The following ARMC2 variants were observed in gnomAD, a reference collection of about 807,000 sequenced individuals.
The protein encoded by ARMC2 is armadillo repeat containing 2.
A neutral mutation model predicts 90.3 loss-of-function variants in ARMC2; 67 were observed. The ratio of observed to expected loss-of-function variants is 0.74; its 90% CI spans 0.61 to 0.91. The LOEUF is 0.91. Among genes scored for constraint, ARMC2 ranks in the 40% least tolerant of loss-of-function variants. The pLI is 0.00. For synonymous variants in ARMC2, 393 were observed against 393.0 expected, an observed-to-expected ratio of 1.00 and a Z score of 0.00; for missense variants, 920 against 1,030.9, an observed-to-expected ratio of 0.89 and a Z score of 1.47.
chr6:108,874,764 C>G (rs1190192678), intron 4 of ARMC2, among the ~76,000 whole-genome samples: 1 of 151,976 alleles, frequency 6.6e-6, no homozygotes, highest in Non-Finnish European at 1.5e-5. Flanking sequence ...GTTCTTCCCA[C>G]CCTGTGGTCC....
intron 9 of ARMC2, 82 bp downstream of exon 9, chr6:108,911,083 A>G: frequency 3.7e-6 from 3 of 815,042 alleles, no homozygotes; most frequent in Non-Finnish European, 5.7e-6. Context: ...TATATAATCA[A>G]TGATAGCAAG....
chr6:108,971,651 AGT>A (rs1778773618), intron 17 of ARMC2, among the ~76,000 whole-genome samples: 2 of 152,090 alleles, frequency 1.3e-5, no homozygotes, highest in African/African-American at 4.8e-5. Flanking sequence ...AGCTGGGTGC[AGT>A]GGCTCACGCC....
intron 1 of ARMC2, among the ~76,000 whole-genome samples, chr6:108,852,536 C>T (rs1048821208): frequency 2.6e-5 from 4 of 152,050 alleles, no homozygotes; most frequent in South Asian, 2.1e-4. Context: ...AGAGTTTGAC[C>T]TGAGTAAATG....
chr6:108,873,296 T>A (rs1368244255), intron 4 of ARMC2, among the ~76,000 whole-genome samples: 1 of 151,896 alleles, frequency 6.6e-6, no homozygotes. Context: ...TATACGAAAA[T>A]GAGATAGGGC....
the ARMC2 span, among the ~76,000 whole-genome samples, chr6:109,045,017 C>T: frequency 6.6e-6 from 1 of 151,528 alleles, no homozygotes; most frequent in Non-Finnish European, 1.5e-5. Flanking sequence ...GAGCGAGACT[C>T]CATTTCAAAA....
chr6:108,934,775 A>G (rs1322212853), intron 11 of ARMC2, among the ~76,000 whole-genome samples: 1 of 152,212 alleles, frequency 6.6e-6, no homozygotes, highest in African/African-American at 2.4e-5. Context: ...TTTTCAAACA[A>G]TATAAAAGTT....
intron 3 of ARMC2, among the ~76,000 whole-genome samples, chr6:108,867,404 A>G (rs1004657399): frequency 3.9e-5 from 6 of 152,176 alleles, no homozygotes; most frequent in African/African-American, 1.4e-4. Flanking sequence ...GAGTATCAGC[A>G]TCGACACTTA....
intron 4 of ARMC2, among the ~76,000 whole-genome samples, chr6:108,875,093 ACT>A (rs765722229): frequency 2.6e-5 from 4 of 151,934 alleles, no homozygotes; most frequent in Non-Finnish European, 5.9e-5. Flanking sequence ...TGGGAGATTT[ACT>A]CTCTTCCCCT....
the ARMC2 span, among the ~76,000 whole-genome samples, chr6:109,048,428 T>A: frequency 6.6e-6 from 1 of 152,202 alleles, no homozygotes; most frequent in East Asian, 1.9e-4. Context: ...AGGATTACTG[T>A]TAAAAGGTAG....
At chr6:109,046,720 C>T in the ARMC2 span, among the ~76,000 whole-genome samples, 691 of 134,376 alleles carry the variant, frequency 5.1e-3, 12 homozygotes, top group East Asian at 0.018. Flanking sequence ...ATGTGGGGAG[C>T]GCCTCTGCCC....
chr6:109,019,034 C>A, the ARMC2 span, among the ~76,000 whole-genome samples: 2 of 152,278 alleles, frequency 1.3e-5, no homozygotes, highest in African/African-American at 4.8e-5. Flanking sequence ...AATAGCCCCA[C>A]TGTTTTCACT....
At chr6:109,051,763 G>T in the ARMC2 span, among the ~76,000 whole-genome samples, 1 of 152,248 alleles carries the variant, frequency 6.6e-6, no homozygotes, top group Admixed American at 6.5e-5. Context: ...CACAGTTCTG[G>T]AGGCTGGAAA....
intron 12 of ARMC2, among the ~76,000 whole-genome samples, chr6:108,938,198 G>A (rs532827136): frequency 1.3e-5 from 2 of 152,166 alleles, no homozygotes; most frequent in African/African-American, 4.8e-5. Flanking sequence ...AATAATTTAT[G>A]TATATACTAA....
chr6:108,990,553 A>T, the ARMC2 span: 3 of 1,117,218 alleles, frequency 2.7e-6, no homozygotes, highest in Non-Finnish European at 4.0e-6. Flanking sequence ...GGTTTTGATT[A>T]TGTGTGTGTC....
intron 10 of ARMC2, among the ~76,000 whole-genome samples, chr6:108,921,334 A>G (rs752296789): frequency 6.6e-6 from 1 of 152,234 alleles, no homozygotes; most frequent in Non-Finnish European, 1.5e-5. Context: ...ATAGAGTCTC[A>G]AAGTAGGACA....
At chr6:108,955,005 G>T (rs1021442429) in intron 13 of ARMC2, among the ~76,000 whole-genome samples, 9 of 152,148 alleles carry the variant, frequency 5.9e-5, no homozygotes, top group Non-Finnish European at 1.2e-4. Context: ...GTCCTCATGT[G>T]CTGAAGAGAG....
intron 13 of ARMC2, among the ~76,000 whole-genome samples, chr6:108,957,418 A>G (rs1158756103): frequency 2.6e-5 from 4 of 152,188 alleles, no homozygotes; most frequent in African/African-American, 9.6e-5. Flanking sequence ...CCCCTCTGAC[A>G]GGCCTGGCAG....
chr6:108,967,510 CCT>C, intron 17 of ARMC2, among the ~76,000 whole-genome samples: 1 of 152,134 alleles, frequency 6.6e-6, no homozygotes, highest in Admixed American at 6.5e-5. Context: ...TACAGTCACC[CCT>C]TGGTATCTGG....
intron 9 of ARMC2, 68 bp from the exon 10 acceptor site, chr6:108,912,267 A>G: frequency 8.9e-7 from 1 of 1,121,624 alleles, no homozygotes; most frequent in South Asian, 1.5e-5. Context: ...GTTCACACAC[A>G]AGTGCTTTAA....
Sources: allele counts gnomAD v4.1 joint callset (sites outside exome capture counted in the v4.1 genomes callset), GRCh38; gene constraint gnomAD v4.1.1; transcripts MANE v1.5; gene names NCBI Gene and HGNC (gene_info 2026-07-23, HGNC 2026-07-21).